Variants in SDK1 observed in about 807,000 individuals in gnomAD.
SDK1 encodes the protein protein sidekick-1.
A neutral mutation model predicts 245.5 loss-of-function variants in SDK1; 157 were observed. That is an observed-to-expected ratio of 0.64 (90% CI 0.56 to 0.73). The LOEUF (loss-of-function observed/expected upper bound fraction) is 0.73, where lower values mean the gene tolerates loss of function less well. SDK1 is among the 30% of genes least tolerant of loss of function. The pLI, the probability that SDK1 is intolerant of heterozygous loss-of-function variation, is 0.00. For missense variants in SDK1, 3,583 were observed against 3,002.3 expected (o/e 1.19, Z -4.52); for synonymous variants, 1,647 against 1,278.5 (o/e 1.29, Z -6.15).
chr7:3,988,827 A>C (rs1784069255), intron 14 of SDK1, among the ~76,000 whole-genome samples: 1 of 152,174 alleles, frequency 6.6e-6, no homozygotes, highest in South Asian at 2.1e-4. Flanking sequence ...GCTGGAGTGC[A>C]GTGGCATGAT....
intron 1 of SDK1, among the ~76,000 whole-genome samples, chr7:3,565,106 C>CT (rs78415022): frequency 9.1e-4 from 130 of 143,538 alleles, no homozygotes; most frequent in Middle Eastern, 3.6e-3. Context: ...ACTTTTATTA[C>CT]TTTTTTTTTT....
intron 1 of SDK1, among the ~76,000 whole-genome samples, chr7:3,450,047 A>T (rs895303763): frequency 6.6e-6 from 1 of 152,250 alleles, no homozygotes; most frequent in Non-Finnish European, 1.5e-5. Flanking sequence ...TTAACCAGGC[A>T]TAAAGGTTGA....
At chr7:3,461,264 CT>C (rs1780823372) in intron 1 of SDK1, among the ~76,000 whole-genome samples, 1 of 152,124 alleles carries the variant, frequency 6.6e-6, no homozygotes, top group African/African-American at 2.4e-5. Flanking sequence ...TTTTTGGAAC[CT>C]TGTTTTCTAG....
At chr7:4,250,114 A>T (rs529530655) in intron 44 of SDK1, among the ~76,000 whole-genome samples, 1 of 152,152 alleles carries the variant, frequency 6.6e-6, no homozygotes, top group Non-Finnish European at 1.5e-5. Flanking sequence ...AGGTGTGCCT[A>T]TGTGGACATT....
At chr7:3,973,073 A>G (rs1782616510) in intron 12 of SDK1, among the ~76,000 whole-genome samples, 2 of 152,070 alleles carry the variant, frequency 1.3e-5, no homozygotes, top group African/African-American at 4.8e-5. Context: ...GTAGCTTGTT[A>G]TATGTGATTA....
chr7:4,018,208 G>C (rs1786576553), intron 17 of SDK1, among the ~76,000 whole-genome samples: 1 of 152,208 alleles, frequency 6.6e-6, no homozygotes, highest in Admixed American at 6.5e-5. Flanking sequence ...ATTCACAGGT[G>C]TGATTTTATT....
intron 1 of SDK1, chr7:3,476,178 G>A (rs998640868): frequency 3.3e-5 from 5 of 152,496 alleles, no homozygotes; most frequent in Non-Finnish European, 5.9e-5. Context: ...TAAAAGGTAC[G>A]ATATGCATAT....
At chr7:4,071,472 C>G (rs903652365) in intron 20 of SDK1, among the ~76,000 whole-genome samples, 12 of 152,184 alleles carry the variant, frequency 7.9e-5, no homozygotes, top group African/African-American at 2.9e-4. Context: ...GTTGCACATT[C>G]TGAAGTCATC....
intron 35 of SDK1, among the ~76,000 whole-genome samples, chr7:4,201,039 C>T (rs146920142): frequency 1.0e-3 from 159 of 152,332 alleles, no homozygotes; most frequent in African/African-American, 3.8e-3. Context: ...AGATGGCACT[C>T]AGACATCTGG....
chr7:3,371,537 C>T (rs756238854), intron 1 of SDK1, among the ~76,000 whole-genome samples: 1 of 152,002 alleles, frequency 6.6e-6, no homozygotes, highest in Non-Finnish European at 1.5e-5. Flanking sequence ...CAGAAACATA[C>T]AAACAAAAAA....
chr7:3,581,559 T>C (rs1191479604), intron 1 of SDK1, among the ~76,000 whole-genome samples: 1 of 152,130 alleles, frequency 6.6e-6, no homozygotes, highest in Non-Finnish European at 1.5e-5. Context: ...GAGGGTAAAT[T>C]AGTTAAACCA....
intron 1 of SDK1, among the ~76,000 whole-genome samples, chr7:3,475,396 C>T (rs577472095): frequency 1.3e-5 from 2 of 152,202 alleles, no homozygotes; most frequent in Non-Finnish European, 2.9e-5. Context: ...CCTTTGAGCC[C>T]CCTCGGGTGT....
At chr7:3,390,315 T>C (rs957093386) in intron 1 of SDK1, among the ~76,000 whole-genome samples, 4 of 152,212 alleles carry the variant, frequency 2.6e-5, no homozygotes, top group Non-Finnish European at 5.9e-5. Context: ...AATATATCTC[T>C]ATAAAAGAGT....
At chr7:3,368,962 G>A (rs764960857) in intron 1 of SDK1, among the ~76,000 whole-genome samples, 29 of 152,070 alleles carry the variant, frequency 1.9e-4, no homozygotes, top group Non-Finnish European at 3.2e-4. Flanking sequence ...ATTTGGATCT[G>A]TCTTTGCATG....
At chr7:3,975,175 G>C (rs1028671882) in intron 13 of SDK1, among the ~76,000 whole-genome samples, 5 of 152,150 alleles carry the variant, frequency 3.3e-5, no homozygotes, top group Non-Finnish European at 5.9e-5. Context: ...TCATGGAGCA[G>C]GAAACCAAAA....
intron 1 of SDK1, among the ~76,000 whole-genome samples, chr7:3,614,720 C>T (rs991057873): frequency 6.6e-6 from 1 of 152,204 alleles, no homozygotes; most frequent in Non-Finnish European, 1.5e-5. Context: ...TGCTATTCCC[C>T]ACCTTGGCTA....
rs111271616 is a variant in SDK1, at chr7:3,900,225, A to G, written c.848-50698A>G. On this transcript the variant is annotated intron_variant, in intron 5 of 44. Coordinates refer to ENST00000404826, the MANE Select transcript of SDK1 (RefSeq NM_152744.4). Reference sequence around the variant, plus strand: ...CATAATTCTCTGGAATAGCATTTGTATATTTTTAAAATTTACATAAATATT... The same window carrying G: ...CATAATTCTCTGGAATAGCATTTGTGTATTTTTAAAATTTACATAAATATT... Among the ~76,000 whole-genome samples, 10 of 152,356 alleles carry G rather than the reference A, an allele frequency of 6.6e-5. 1 individual carries two copies. The highest frequency in any genetic ancestry group is 4.1e-4 in the South Asian group (2 of 4,830).
Position 3,906,560 on chromosome 7 carries a change from T to G in SDK1, c.848-44363T>G, listed in dbSNP as rs145453723. Among the ~76,000 whole-genome samples, 1,393 of 151,550 alleles carry G rather than the reference T, an allele frequency of 9.2e-3. 26 individuals carry two copies. Among genetic ancestry groups the G allele is most frequent in the African/African-American group, 0.032 (1,321 of 41,326 alleles). ...GCTGGTTTCAATGGTTTAGAGCTGG[T>G]TTAAATTAATTTTTCAGATTAAGGA... On this transcript the variant is annotated intron_variant, in intron 5 of 44. Transcript: ENST00000404826.
At chr7:4,261,422 G>T (rs1017390814) in intron 44 of SDK1, among the ~76,000 whole-genome samples, 2 of 151,046 alleles carry the variant, frequency 1.3e-5, no homozygotes, top group Non-Finnish European at 3.0e-5. Flanking sequence ...CAAGGACGCA[G>T]CTCACACACC....
Sources: gnomAD v4.1 joint callset for allele counts (sites outside exome capture counted in the v4.1 genomes callset) on GRCh38, gnomAD v4.1.1 for gene constraint, MANE v1.5 for transcripts, NCBI Gene and HGNC (gene_info 2026-07-23, HGNC 2026-07-21) for gene names.